The following PRKN variants were observed in gnomAD, a reference collection of about 807,000 sequenced individuals.
The protein encoded by PRKN is E3 ubiquitin-protein ligase parkin.
PRKN carries 56 observed loss-of-function variants against 59.5 expected under a neutral mutation model. That is an observed-to-expected ratio of 0.94 (90% CI 0.76 to 1.18). The LOEUF (loss-of-function observed/expected upper bound fraction) is 1.18, where lower values mean the gene tolerates loss of function less well. PRKN is among the 50% of genes most tolerant of loss of function. The probability of loss-of-function intolerance (pLI) is 0.00; values close to 1 mark genes in which losing one functional copy is unlikely to be tolerated. For synonymous variants in PRKN, 250 were observed against 222.1 expected (o/e 1.13, Z -1.12); for missense variants, 657 against 596.4 (o/e 1.10, Z -1.06).
At chr6:162,233,314 G>A (rs6455803) in intron 3 of PRKN, among the ~76,000 whole-genome samples, 63,330 of 151,786 alleles carry the variant, frequency 0.42, 15,059 homozygotes, top group East Asian at 0.78. Flanking sequence ...ATTTCTATAT[G>A]ATACATTAAG....
intron 4 of PRKN, among the ~76,000 whole-genome samples, chr6:162,123,200 C>T (rs1201057821): frequency 6.6e-6 from 1 of 152,046 alleles, no homozygotes; most frequent in Admixed American, 6.6e-5. Flanking sequence ...CCTGTGGCAG[C>T]TCATGGTATT....
intron 1 of PRKN, among the ~76,000 whole-genome samples, chr6:162,720,579 T>G (rs1431246239): frequency 6.6e-6 from 1 of 150,988 alleles, no homozygotes; most frequent in East Asian, 2.0e-4. Flanking sequence ...GCCTCCCGAG[T>G]AGCTGGGACT....
chr6:162,050,020 G>C (rs1777568517), intron 5 of PRKN, among the ~76,000 whole-genome samples: 1 of 152,114 alleles, frequency 6.6e-6, no homozygotes, highest in Admixed American at 6.6e-5. Flanking sequence ...GTGTTACTAA[G>C]ATCATACCAT....
chr6:161,435,128 A>T (rs1460183047), intron 9 of PRKN, among the ~76,000 whole-genome samples: 1 of 152,194 alleles, frequency 6.6e-6, no homozygotes, highest in Non-Finnish European at 1.5e-5. Context: ...GGAAGAAATA[A>T]CACATGGGCT....
chr6:162,308,074 G>C (rs764799003), intron 2 of PRKN, among the ~76,000 whole-genome samples: 7 of 152,160 alleles, frequency 4.6e-5, no homozygotes, highest in Non-Finnish European at 2.9e-5. Context: ...CAAATGCATG[G>C]GTGGTGACAG....
At chr6:162,376,219 T>C (rs1786067945) in intron 2 of PRKN, among the ~76,000 whole-genome samples, 1 of 152,088 alleles carries the variant, frequency 6.6e-6, no homozygotes, top group Non-Finnish European at 1.5e-5. Flanking sequence ...GACCGCACCC[T>C]TGTGTGAATA....
In PRKN at chr6:161,372,515, T is replaced by A. The variant is rs764594261; in HGVS notation, c.1168-12310A>T. Among the ~76,000 whole-genome samples, 1 of 152,234 alleles carries A rather than the reference T, an allele frequency of 6.6e-6. No individual in the cohort carries two copies. Among genetic ancestry groups the A allele is most frequent in the Non-Finnish European group, 1.5e-5 (1 of 68,036 alleles). On this transcript the variant is annotated intron_variant, in intron 10 of 11. Transcript: ENST00000366898. This position sits in a 1 kb window ranked among gnomAD's most constrained non-coding sequence, Gnocchi z 4.2. ...TGGGTGTCTAAGATGTGCCAGGCACTGTCCTGGACCCTGGGGATACATCCC... is the reference window on the plus strand; with the variant it reads ...TGGGTGTCTAAGATGTGCCAGGCACAGTCCTGGACCCTGGGGATACATCCC...
chr6:161,789,583 A>G (rs1790559195), intron 6 of PRKN, among the ~76,000 whole-genome samples: 1 of 152,100 alleles, frequency 6.6e-6, no homozygotes, highest in South Asian at 2.1e-4. Flanking sequence ...GGAGCCTAAC[A>G]CCTCACTGCC....
chr6:161,504,683 C>T (rs544885210), intron 9 of PRKN, among the ~76,000 whole-genome samples: 1,406 of 120,472 alleles, frequency 0.012, 29 homozygotes, highest in African/African-American at 0.042. Flanking sequence ...CCTCCCCCCA[C>T]CCCACAACAG....
At chr6:162,524,525 G>T (rs1208649275) in intron 1 of PRKN, among the ~76,000 whole-genome samples, 1 of 152,138 alleles carries the variant, frequency 6.6e-6, no homozygotes, top group African/African-American at 2.4e-5. Flanking sequence ...CCTTGGTTTG[G>T]AGAAGAGCAA....
At chr6:162,196,804 C>A (rs1229725841) in intron 4 of PRKN, among the ~76,000 whole-genome samples, 1 of 152,258 alleles carries the variant, frequency 6.6e-6, no homozygotes, top group Non-Finnish European at 1.5e-5. Context: ...TGGAGCATCA[C>A]ATTTGAAAAG....
At chr6:162,103,080 T>C (rs1419034261) in intron 4 of PRKN, among the ~76,000 whole-genome samples, 1 of 150,952 alleles carries the variant, frequency 6.6e-6, no homozygotes, top group East Asian at 1.9e-4. Flanking sequence ...AATACATAAC[T>C]TGAATGAAAA....
Position 162,726,476 on chromosome 6 carries a change from AG to A in PRKN, c.7+1185del, listed in dbSNP as rs552435862. On this transcript the variant is annotated intron_variant, in intron 1 of 11. Transcript: ENST00000366898. The stretch of plus-strand genomic sequence containing the variant: ...ATTAACTTTCAAGTCATTCACCAAA[AG>A]TCAGACCATGCTAGAAAGGGAAGAA... 3.9e-3 allele frequency among the ~76,000 whole-genome samples: 591 copies of A among 152,328 alleles called. 3 individuals carry two copies. Among genetic ancestry groups the A allele is most frequent in the Admixed American group, 6.3e-3 (96 of 15,300 alleles).
At chr6:162,567,897 G>A (rs1780148116) in intron 1 of PRKN, among the ~76,000 whole-genome samples, 1 of 152,128 alleles carries the variant, frequency 6.6e-6, no homozygotes, top group Admixed American at 6.5e-5. Context: ...AAAACAGCAT[G>A]GTACTGGCAT....
intron 1 of PRKN, among the ~76,000 whole-genome samples, chr6:162,522,776 C>T (rs1778127660): frequency 6.8e-6 from 1 of 147,676 alleles, no homozygotes; most frequent in Admixed American, 6.9e-5. Context: ...TCCTATAACA[C>T]TGTGAGTCAG....
At chr6:162,096,775 CT>C (rs36192490) in intron 4 of PRKN, among the ~76,000 whole-genome samples, 4 of 143,234 alleles carry the variant, frequency 2.8e-5, no homozygotes, top group Non-Finnish European at 3.0e-5. Flanking sequence ...CATTTAACCT[CT>C]TTTTTTTTTA....
chr6:162,504,489 G>A (rs768635770), intron 1 of PRKN, among the ~76,000 whole-genome samples: 2 of 152,116 alleles, frequency 1.3e-5, no homozygotes, highest in Non-Finnish European at 2.9e-5. Context: ...ATAGATCAAT[G>A]GACTGGAATA....
At chr6:162,551,960 A>G (rs1274787054) in intron 1 of PRKN, among the ~76,000 whole-genome samples, 1 of 152,230 alleles carries the variant, frequency 6.6e-6, no homozygotes, top group African/African-American at 2.4e-5. Context: ...ACAAAATGCT[A>G]GGGAGGAAAT....
At chr6:162,397,961 T>C (rs893904928) in intron 2 of PRKN, among the ~76,000 whole-genome samples, 4 of 149,164 alleles carry the variant, frequency 2.7e-5, no homozygotes, top group African/African-American at 5.0e-5. Context: ...CACTTGAGCC[T>C]AGTACCTGGA....
Sources: gnomAD v4.1 joint callset for allele counts (sites outside exome capture counted in the v4.1 genomes callset) on GRCh38, gnomAD v4.1.1 for gene constraint, Gnocchi (gnomAD v3.1) non-coding constraint, MANE v1.5 for transcripts, NCBI Gene and HGNC (gene_info 2026-07-23, HGNC 2026-07-21) for gene names.